Variants in SYT14 observed in about 807,000 individuals in gnomAD.
SYT14 encodes synaptotagmin-14.
A neutral mutation model predicts 74.2 loss-of-function variants in SYT14; 32 were observed. The observed-to-expected ratio is 0.43, with a 90% CI of 0.33 to 0.58. The LOEUF (loss-of-function observed/expected upper bound fraction) is 0.58. Ranked by LOEUF, SYT14 falls within the 20% of genes least tolerant of loss-of-function variation. SYT14 has a pLI of 0.05. For missense variants in SYT14, 791 were observed against 981.8 expected (o/e 0.81, Z 2.60); for synonymous variants, 298 against 337.7 (o/e 0.88, Z 1.29).
intron 2 of SYT14, among the ~76,000 whole-genome samples, chr1:210,008,782 T>C (rs1030599453): frequency 6.6e-6 from 1 of 152,218 alleles, no homozygotes; most frequent in Non-Finnish European, 1.5e-5. Context: ...AATTACATTA[T>C]CTTATACTTA....
intron 5 of SYT14, among the ~76,000 whole-genome samples, chr1:210,030,149 TG>T (rs2102988240): frequency 6.6e-6 from 1 of 152,240 alleles, no homozygotes; most frequent in African/African-American, 2.4e-5. Context: ...TTTTTGTTTT[TG>T]TTTTTGTTTT....
chr1:209,962,253 G>A (rs2079087008), intron 2 of SYT14, among the ~76,000 whole-genome samples: 1 of 151,324 alleles, frequency 6.6e-6, no homozygotes, highest in Admixed American at 6.6e-5. Flanking sequence ...CTGGTTCTTA[G>A]CGTAGATATC....
At chr1:209,974,317 T>C (rs2079316360) in intron 2 of SYT14, among the ~76,000 whole-genome samples, 1 of 152,112 alleles carries the variant, frequency 6.6e-6, no homozygotes. Context: ...ATTGCCTAGG[T>C]TTTCTTCTAG....
intron 2 of SYT14, among the ~76,000 whole-genome samples, chr1:209,970,469 T>C (rs906603240): frequency 6.6e-6 from 1 of 152,080 alleles, no homozygotes; most frequent in Admixed American, 6.5e-5. Flanking sequence ...TATAGCCTTA[T>C]ACCATTTAGT....
chr1:210,111,825 T>C (rs1284565921), intron 7 of SYT14, among the ~76,000 whole-genome samples: 1 of 150,888 alleles, frequency 6.6e-6, no homozygotes, highest in Non-Finnish European at 1.5e-5. Flanking sequence ...CCTAAGGGGG[T>C]TCAGCGGAAT....
intron 2 of SYT14, among the ~76,000 whole-genome samples, chr1:210,000,338 A>G (rs1196127749): frequency 2.0e-5 from 3 of 152,110 alleles, no homozygotes; most frequent in Non-Finnish European, 4.4e-5. Flanking sequence ...TGAAACTTGA[A>G]TGAAATTATA....
At chr1:210,132,778 G>T (rs1035424489) in intron 7 of SYT14, among the ~76,000 whole-genome samples, 1 of 152,030 alleles carries the variant, frequency 6.6e-6, no homozygotes, top group African/African-American at 2.4e-5. Flanking sequence ...GAAACTGAGT[G>T]GTGGAACTGT....
chr1:210,053,902 G>T (rs545049071), intron 5 of SYT14, among the ~76,000 whole-genome samples: 2 of 152,196 alleles, frequency 1.3e-5, no homozygotes, highest in Admixed American at 1.3e-4. Context: ...CAGAGAAATA[G>T]TGTATAGCAA....
intron 7 of SYT14, among the ~76,000 whole-genome samples, chr1:210,119,534 C>T (rs1037274939): frequency 8.5e-5 from 13 of 152,060 alleles, no homozygotes; most frequent in African/African-American, 3.1e-4. Context: ...TCAGTAGAGA[C>T]TTATAATGAG....
intron 2 of SYT14, among the ~76,000 whole-genome samples, chr1:209,954,331 T>G (rs1010762142): frequency 6.6e-6 from 1 of 152,226 alleles, no homozygotes; most frequent in South Asian, 2.1e-4. Flanking sequence ...TGTTCTTTAT[T>G]GCTGTCTCTA....
chr1:209,998,596 G>C (rs2079839181), intron 2 of SYT14, among the ~76,000 whole-genome samples: 1 of 152,002 alleles, frequency 6.6e-6, no homozygotes, highest in South Asian at 2.1e-4. Flanking sequence ...TATTAAAGCA[G>C]ACACATAAAC....
At chr1:210,033,363 A>G (rs1180275152) in intron 5 of SYT14, among the ~76,000 whole-genome samples, 11 of 151,782 alleles carry the variant, frequency 7.2e-5, no homozygotes, top group Admixed American at 7.2e-4. Flanking sequence ...TTTGGGTGAA[A>G]TGGAATTGAG....
chr1:210,156,202 A>G (rs1366218868), intron 8 of SYT14, among the ~76,000 whole-genome samples: 1 of 152,228 alleles, frequency 6.6e-6, no homozygotes, highest in Non-Finnish European at 1.5e-5. Context: ...AGGGCCTTTA[A>G]AAGTGAGTAA....
At chr1:210,046,882 T>G (rs1572209430) in intron 5 of SYT14, among the ~76,000 whole-genome samples, 1 of 152,188 alleles carries the variant, frequency 6.6e-6, no homozygotes, top group Non-Finnish European at 1.5e-5. Flanking sequence ...TGTACATTAA[T>G]ACCTTTAATC....
At chr1:210,162,095 A>G (rs752799172) in exon 10 of SYT14, 1 of 439,014 alleles carries the variant, frequency 2.3e-6, no homozygotes, top group Non-Finnish European at 4.6e-6. Context: ...TATTTGTGAT[A>G]TGAAGACTAT....
rs536061390 is a variant in SYT14, at chr1:210,049,928, G to A, written c.1312+28674G>A. Among the ~76,000 whole-genome samples the A allele has an allele frequency of 1.2e-3, 186 of 152,264 alleles. 1 individual carries two copies. Among genetic ancestry groups the A allele is most frequent in the African/African-American group, 4.4e-3 (182 of 41,560 alleles). On this transcript the variant is annotated intron_variant, in intron 5 of 9. Transcript: ENST00000637265. Reference sequence around the variant, plus strand: ...ACCACTTTTTCTTCCTTGGCCTTCTGGACTGTGATGGTAGGGGCTGCGGTG... The same window carrying A: ...ACCACTTTTTCTTCCTTGGCCTTCTAGACTGTGATGGTAGGGGCTGCGGTG...
At chr1:210,164,158 C>A (rs776324106) in exon 10 of SYT14, 1 of 425,618 alleles carries the variant, frequency 2.3e-6, no homozygotes, top group South Asian at 1.7e-5. Context: ...AAGCTTTCTT[C>A]TATATTCTTG....
intron 2 of SYT14, among the ~76,000 whole-genome samples, chr1:209,975,585 A>G (rs1020150987): frequency 6.6e-6 from 1 of 152,114 alleles, no homozygotes. Flanking sequence ...GCTTTTTGAT[A>G]TGCTGCTGGA....
intron 2 of SYT14, among the ~76,000 whole-genome samples, chr1:209,976,611 C>T (rs7416843): frequency 6.6e-6 from 1 of 150,706 alleles, no homozygotes; most frequent in African/African-American, 2.4e-5. Flanking sequence ...GCTGAGGAGT[C>T]CTTTACTTCC....
Sources: allele counts gnomAD v4.1 joint callset (sites outside exome capture counted in the v4.1 genomes callset), GRCh38; gene constraint gnomAD v4.1.1; transcripts MANE v1.5; gene names NCBI Gene and HGNC (gene_info 2026-07-23, HGNC 2026-07-21).